Variants in TNFSF4 observed in about 807,000 individuals in gnomAD.
TNFSF4 encodes the protein TNF superfamily member 4, also known as tumor necrosis factor ligand superfamily member 4.
Under a neutral mutation model 7.3 loss-of-function variants are expected in TNFSF4, and 4 were observed. That is an observed-to-expected ratio of 0.55 (90% CI 0.27 to 1.25). The LOEUF is 1.25. TNFSF4 is among the 50% of genes most tolerant of loss of function. TNFSF4 has a pLI of 0.12. For missense variants in TNFSF4, 181 were observed against 208.8 expected (o/e 0.87, Z 0.82); for synonymous variants, 76 against 83.7 (o/e 0.91, Z 0.50).
At chr1:173,345,159 G>A in the TNFSF4 span, among the ~76,000 whole-genome samples, 3 of 152,166 alleles carry the variant, frequency 2.0e-5, no homozygotes, top group East Asian at 5.8e-4. Flanking sequence ...AGGAAAATGT[G>A]CCTATAGCAT....
the TNFSF4 span, among the ~76,000 whole-genome samples, chr1:173,420,988 T>C: frequency 2.0e-5 from 3 of 152,328 alleles, no homozygotes; most frequent in Non-Finnish European, 4.4e-5. Flanking sequence ...GTTACAGTTA[T>C]GTTACAGTCA....
chr1:173,321,550 A>G, the TNFSF4 span, among the ~76,000 whole-genome samples: 1 of 152,138 alleles, frequency 6.6e-6, no homozygotes. Flanking sequence ...CAACCTACAG[A>G]ATGGGAGAAA....
chr1:173,195,220 T>A (rs2101990348), intron 1 of TNFSF4, among the ~76,000 whole-genome samples: 1 of 152,332 alleles, frequency 6.6e-6, no homozygotes, highest in East Asian at 1.9e-4. Flanking sequence ...TCATCAATAC[T>A]GAATAAGATT....
chr1:173,435,111 T>C, the TNFSF4 span, among the ~76,000 whole-genome samples: 1 of 152,184 alleles, frequency 6.6e-6, no homozygotes, highest in African/African-American at 2.4e-5. Context: ...CTGATAGTCC[T>C]GATCCTATCT....
chr1:173,279,141 C>G, the TNFSF4 span, among the ~76,000 whole-genome samples: 2 of 152,044 alleles, frequency 1.3e-5, no homozygotes, highest in South Asian at 4.1e-4. Flanking sequence ...ATAATCACAA[C>G]TCATATTTTG....
At chr1:173,411,191 C>T in the TNFSF4 span, among the ~76,000 whole-genome samples, 3 of 152,156 alleles carry the variant, frequency 2.0e-5, no homozygotes, top group Non-Finnish European at 2.9e-5. Context: ...CTGCTTCTAT[C>T]TTCAGCCTGA....
chr1:173,203,351 G>GC (rs1212003665), intron 1 of TNFSF4, among the ~76,000 whole-genome samples: 1 of 152,084 alleles, frequency 6.6e-6, no homozygotes, highest in Non-Finnish European at 1.5e-5. Flanking sequence ...CTTATGACAA[G>GC]CCAAGTCAAC....
the TNFSF4 span, among the ~76,000 whole-genome samples, chr1:173,410,690 G>A: frequency 6.1e-3 from 932 of 152,292 alleles, 14 homozygotes; most frequent in African/African-American, 0.021. Flanking sequence ...TGTCAGAGAT[G>A]GGAAATGAGG....
chr1:173,417,449 A>G, the TNFSF4 span, among the ~76,000 whole-genome samples: 1 of 152,236 alleles, frequency 6.6e-6, no homozygotes, highest in Non-Finnish European at 1.5e-5. Flanking sequence ...CTAGACCTAT[A>G]ATTTTTTTAG....
the TNFSF4 span, among the ~76,000 whole-genome samples, chr1:173,278,597 T>C: frequency 6.6e-6 from 1 of 152,080 alleles, no homozygotes; most frequent in South Asian, 2.1e-4. Context: ...AATTGCACTT[T>C]ACATCTTAAC....
chr1:173,371,315 T>C, the TNFSF4 span, among the ~76,000 whole-genome samples: 2 of 152,230 alleles, frequency 1.3e-5, no homozygotes, highest in Non-Finnish European at 2.9e-5. Context: ...TTTCTTGTTA[T>C]GCCTGTAAGT....
At chr1:173,442,138 AT>A in the TNFSF4 span, 1 of 152,088 alleles carries the variant, frequency 6.6e-6, no homozygotes, top group Non-Finnish European at 1.5e-5. Flanking sequence ...GAGTTGTAGT[AT>A]TTTCTGCTTT....
the TNFSF4 span, among the ~76,000 whole-genome samples, chr1:173,308,729 T>C: frequency 2.0e-5 from 3 of 151,930 alleles, no homozygotes; most frequent in Non-Finnish European, 4.4e-5. Context: ...GGGGCTCAGC[T>C]GGAAGAATCA....
At chr1:173,205,645 C>G (rs1650155812) in intron 1 of TNFSF4, 1 of 990,206 alleles carries the variant, frequency 1.0e-6, no homozygotes, top group African/African-American at 1.7e-5. Flanking sequence ...ATGCACTCAG[C>G]TGTTCTATAT....
chr1:173,209,021 G>A (rs1318091316), upstream of TNFSF4, among the ~76,000 whole-genome samples: 2 of 152,114 alleles, frequency 1.3e-5, no homozygotes, highest in African/African-American at 4.8e-5. Flanking sequence ...TTTCTTCTCA[G>A]TGTTAATATC....
the TNFSF4 span, among the ~76,000 whole-genome samples, chr1:173,308,285 C>CTCTCTGTGTGTGTGTGTGTG: frequency 7.4e-6 from 1 of 135,058 alleles, no homozygotes; most frequent in South Asian, 2.4e-4. Context: ...CTCTCTCTCT[C>CTCTCTGTGTGTGTGTGTGTG]TGTGTGTGTG....
chr1:173,208,920 G>C (rs1650287662), upstream of TNFSF4, among the ~76,000 whole-genome samples: 1 of 149,630 alleles, frequency 6.7e-6, no homozygotes, highest in African/African-American at 2.4e-5. Flanking sequence ...AACTATTCAT[G>C]CTGAAAATCG....
the TNFSF4 span, among the ~76,000 whole-genome samples, chr1:173,448,528 A>T: frequency 6.6e-6 from 1 of 152,078 alleles, no homozygotes. Flanking sequence ...GAGAAGGGAG[A>T]TAGGGGTGGG....
chr1:173,389,751 G>A, the TNFSF4 span, among the ~76,000 whole-genome samples: 1 of 152,114 alleles, frequency 6.6e-6, no homozygotes. Flanking sequence ...CTAAGTTGCT[G>A]ATTCTCTTTT....
Sources: allele counts gnomAD v4.1 joint callset (sites outside exome capture counted in the v4.1 genomes callset), GRCh38; gene constraint gnomAD v4.1.1; transcripts MANE v1.5; gene names NCBI Gene and HGNC (gene_info 2026-07-23, HGNC 2026-07-21).